The following SKI variants were observed in gnomAD, a reference collection of about 807,000 sequenced individuals.
SKI encodes ski oncogene.
A neutral mutation model predicts 59.3 loss-of-function variants in SKI; 23 were observed. That is an observed-to-expected ratio of 0.39 (90% confidence interval 0.28 to 0.55). The LOEUF is 0.55. SKI is among the 20% of genes least tolerant of loss of function. The pLI is 0.67. For missense variants in SKI, 1,017 were observed against 1,038.9 expected (o/e 0.98, Z 0.29); for synonymous variants, 673 against 488.6 (o/e 1.38, Z -4.98).
chr1:2,259,066 T>C (rs1415576826), intron 1 of SKI, among the ~76,000 whole-genome samples: 4 of 152,180 alleles, frequency 2.6e-5, no homozygotes, highest in African/African-American at 9.7e-5. Flanking sequence ...AATTCTGGGT[T>C]CCCAGGTCCG....
At chr1:2,287,722 G>T (rs1640073465) in intron 1 of SKI, among the ~76,000 whole-genome samples, 1 of 152,142 alleles carries the variant, frequency 6.6e-6, no homozygotes, top group Admixed American at 6.5e-5. Context: ...GCGTGGGGGT[G>T]GTCTCCCCCT....
In SKI at chr1:2,303,469, GC is replaced by G; in HGVS notation, c.1211+70del. On this transcript the variant is annotated intron_variant, in intron 3 of 6. Coordinates refer to ENST00000378536, the MANE Select transcript of SKI (RefSeq NM_003036.4). The surrounding 1 kb of genome is among the most constrained non-coding windows in gnomAD (Gnocchi z 5.6). Reference sequence around the variant, plus strand: ...CTCCACGAGGGCTGTGCATGCGGACGCGCCCATGTTTCTGCAGGCTGGGTGC... The same window carrying G: ...CTCCACGAGGGCTGTGCATGCGGACGGCCCATGTTTCTGCAGGCTGGGTGC... 1 of 1,371,588 alleles carries G rather than the reference GC, an allele frequency of 7.3e-7. No individual in the cohort carries two copies. The highest frequency in any genetic ancestry group is 1.2e-5 in the South Asian group (1 of 85,110). 85.0% of individuals were successfully genotyped at this position (1,371,588 alleles called of 1,614,324 possible). A position where few individuals can be genotyped will look rare whatever the true frequency, so the allele number is the denominator to read the frequency against.
In SKI at chr1:2,306,972, C is replaced by G. The variant is rs1640606645; in HGVS notation, c.*207C>G. 3.0e-6 allele frequency: 1 copy of G among 329,340 alleles called. No homozygotes were observed. Among genetic ancestry groups the G allele is most frequent in the East Asian group, 5.7e-5 (1 of 17,406 alleles). The allele number at this position is 329,340 out of a possible 1,614,324, so 20.4% of individuals were successfully genotyped here. ...CCAAGTTCAAGTGAGTAAGCCGCGTCCCCCAACTACAGCTGGAGACGGGGC... is the reference window on the plus strand; with the variant it reads ...CCAAGTTCAAGTGAGTAAGCCGCGTGCCCCAACTACAGCTGGAGACGGGGC... On this transcript the variant is annotated 3_prime_UTR_variant, in exon 7 of 7. Transcript: ENST00000378536.
At chr1:2,258,387 C>T (rs991621016) in intron 1 of SKI, among the ~76,000 whole-genome samples, 6 of 151,904 alleles carry the variant, frequency 3.9e-5, no homozygotes, top group Non-Finnish European at 5.9e-5. Flanking sequence ...CTGTGCTGAG[C>T]GTGCTACGGC....
chr1:2,308,175 G>A lies in SKI; in HGVS notation c.*1410G>A, dbSNP rs1640647886. 6.6e-6 allele frequency: 1 copy of A among 152,184 alleles called. No individual in the cohort carries two copies. Among genetic ancestry groups the A allele is most frequent in the South Asian group, 2.1e-4 (1 of 4,834 alleles). 9.4% of individuals were successfully genotyped at this position (152,184 alleles called of 1,614,324 possible). ...TTATTTACATAAGAAGATCTTACAG[G>A]AGTTCTTTGCTTGAATCCGTTCTAA... On this transcript the variant is annotated 3_prime_UTR_variant, in exon 7 of 7. Coordinates refer to ENST00000378536, the MANE Select transcript of SKI (RefSeq NM_003036.4).
intron 1 of SKI, among the ~76,000 whole-genome samples, chr1:2,283,112 C>G (rs935964112): frequency 6.6e-6 from 1 of 152,210 alleles, no homozygotes. Flanking sequence ...GGGAGGCGCC[C>G]CCACCCGGCC....
chr1:2,306,458 G>T (rs1640583215), intron 6 of SKI, 119 bp from the exon 7 acceptor site: 1 of 1,131,166 alleles, frequency 8.8e-7, no homozygotes. Flanking sequence ...TGGAGGAGGG[G>T]CCGGCACGCG....
chr1:2,256,799 C>G (rs1569738970), intron 1 of SKI, among the ~76,000 whole-genome samples: 1 of 152,366 alleles, frequency 6.6e-6, no homozygotes, highest in East Asian at 1.9e-4. Flanking sequence ...AGAACCTCCT[C>G]TTAGATCTGG....
At chr1:2,278,341 G>A (rs3795275) in intron 1 of SKI, among the ~76,000 whole-genome samples, 4,187 of 152,306 alleles carry the variant, frequency 0.027, 99 homozygotes, top group East Asian at 0.14. Flanking sequence ...GCTGTGAGAC[G>A]CAGGAGCCCT....
At chr1:2,279,441 G>A (rs550511499) in intron 1 of SKI, among the ~76,000 whole-genome samples, 5 of 152,284 alleles carry the variant, frequency 3.3e-5, no homozygotes, top group South Asian at 2.1e-4. Context: ...CTTCCCTCCC[G>A]GCCTCTCGCC....
rs1335301577 is a variant in SKI at position 2,229,302 on chromosome 1, A to G, written c.536A>G (p.Lys179Arg). The G allele has an allele frequency of 6.3e-7, 1 of 1,596,370 alleles. No individual in the cohort carries two copies. Among genetic ancestry groups the G allele is most frequent in the Non-Finnish European group, 8.5e-7 (1 of 1,172,412 alleles). The change falls in exon 1 of 7, where the codon AAG (lysine) becomes AGG (arginine). Residue 179 changes from lysine (K) to arginine (R), a missense_variant. By Grantham distance (26) the Lys-to-Arg change is conservative (BLOSUM62 2). Coordinates refer to ENST00000378536, the MANE Select transcript of SKI (RefSeq NM_003036.4). The surrounding 1 kb of genome is among the most constrained non-coding windows in gnomAD (Gnocchi z 6.3). ...GCGCCCTCGTGCGGGCTCATCACCA[A>G]GACGGACGCCGAGCGCCTGTGCAAC... ...FSAPSCGLIT[K>R]TDAERLCNAL... is the part of the protein sequence containing the mutation.
At chr1:2,256,649 G>A (rs2100831896) in intron 1 of SKI, among the ~76,000 whole-genome samples, 1 of 152,350 alleles carries the variant, frequency 6.6e-6, no homozygotes, top group Admixed American at 6.5e-5. Context: ...CTGGTAACTG[G>A]GCACCCGTGT....
chr1:2,283,395 TG>T (rs1032103301), intron 1 of SKI, among the ~76,000 whole-genome samples: 1 of 151,640 alleles, frequency 6.6e-6, no homozygotes, highest in African/African-American at 2.4e-5. Context: ...TCTGTGAAAA[TG>T]GGGGTGAGGA....
At position 2,306,801 on chromosome 1, in the gene SKI, C is replaced by A; in HGVS notation, c.*36C>A. On this transcript the variant is annotated 3_prime_UTR_variant, in exon 7 of 7. Transcript: ENST00000378536. ...TGCCGCCGCAGCGCCGCCGACAACG[C>A]GGGTGCAGGGGGGCGCGGCTGGGCG... The A allele has an allele frequency of 6.9e-7, 1 of 1,446,124 alleles. No homozygotes were observed. Among genetic ancestry groups the A allele is most frequent in the Non-Finnish European group, 9.1e-7 (1 of 1,099,570 alleles). The allele number at this position is 1,446,124 out of a possible 1,614,324, so 89.6% of individuals were successfully genotyped here.
intron 1 of SKI, among the ~76,000 whole-genome samples, chr1:2,261,943 C>T (rs538161319): frequency 2.3e-4 from 26 of 112,220 alleles, no homozygotes; most frequent in Non-Finnish European, 2.6e-4. Context: ...TGGACGCCCT[C>T]GCTCCTGATC....
intron 1 of SKI, among the ~76,000 whole-genome samples, chr1:2,254,844 C>T (rs751981163): frequency 1.9e-4 from 29 of 152,204 alleles, no homozygotes; most frequent in South Asian, 4.1e-4. Flanking sequence ...GGGGTCCCTG[C>T]GGTCAGGTGA....
rs1413562968 is a variant in SKI at position 2,228,517 on chromosome 1, C to A, written c.-250C>A. On this transcript the variant is annotated 5_prime_UTR_variant, in exon 1 of 7. Transcript: ENST00000378536. The stretch of plus-strand genomic sequence containing the variant: ...CGGGGGGCCCGGGCGGCGGCGGGCG[C>A]GGCGCGGGGCGCGTGGATGTGGCGC... Among the ~76,000 whole-genome samples the A allele has an allele frequency of 1.4e-5, 2 of 142,354 alleles. No homozygotes were observed. The highest frequency in any genetic ancestry group is 5.1e-5 in the African/African-American group (2 of 39,546). The allele number at this position is 142,354 out of a possible 152,430, so 93.4% of individuals were successfully genotyped here.
At chr1:2,254,327 T>TC (rs1639228635) in intron 1 of SKI, among the ~76,000 whole-genome samples, 2 of 151,986 alleles carry the variant, frequency 1.3e-5, no homozygotes, top group Admixed American at 6.6e-5. Context: ...GGCTCTGCTC[T>TC]CCCCCCGTGG....
At chr1:2,234,940 C>T (rs1412225496) in intron 1 of SKI, among the ~76,000 whole-genome samples, 2 of 152,074 alleles carry the variant, frequency 1.3e-5, no homozygotes, top group Non-Finnish European at 2.9e-5. Flanking sequence ...TGCCTGGGGA[C>T]CAGCTCTTTA....
Sources: gnomAD v4.1 joint callset for allele counts (sites outside exome capture counted in the v4.1 genomes callset) on GRCh38, gnomAD v4.1.1 for gene constraint, Gnocchi (gnomAD v3.1) non-coding constraint, MANE v1.5 for transcripts, NCBI Gene and HGNC (gene_info 2026-07-23, HGNC 2026-07-21) for gene names.